Variants in PDLIM5 observed in about 807,000 individuals in gnomAD.
PDLIM5 encodes the protein PDZ and LIM domain 5.
Under a neutral mutation model 64.2 loss-of-function variants are expected in PDLIM5, and 34 were observed. The observed-to-expected ratio is 0.53, with a 90% CI of 0.40 to 0.71. PDLIM5 has a LOEUF of 0.71. PDLIM5 is among the 30% of genes least tolerant of loss of function. PDLIM5 has a pLI of 0.00. For synonymous variants in PDLIM5, 253 were observed against 269.1 expected (o/e 0.94, Z 0.59); for missense variants, 683 against 733.6 (o/e 0.93, Z 0.80).
intron 3 of PDLIM5, among the ~76,000 whole-genome samples, chr4:94,572,274 G>T (rs1304341018): frequency 2.0e-5 from 3 of 152,018 alleles, no homozygotes; most frequent in Non-Finnish European, 2.9e-5. Flanking sequence ...ATTGCTACTG[G>T]CATATTAAAC....
intron 3 of PDLIM5, among the ~76,000 whole-genome samples, chr4:94,526,975 T>G (rs2110143676): frequency 6.6e-6 from 1 of 150,414 alleles, no homozygotes; most frequent in South Asian, 2.1e-4. Context: ...CCTCAAGTGA[T>G]CCACCTGCCT....
chr4:94,523,633 T>C (rs1223932940), intron 2 of PDLIM5, 91 bp from the exon 3 acceptor site: 1 of 865,476 alleles, frequency 1.2e-6, no homozygotes, highest in East Asian at 2.7e-5. Context: ...TATATTAATA[T>C]ACTTTTGGTA....
At chr4:94,517,907 C>A (rs1278424053) in intron 2 of PDLIM5, among the ~76,000 whole-genome samples, 1 of 152,202 alleles carries the variant, frequency 6.6e-6, no homozygotes. Flanking sequence ...AAACATCTGA[C>A]TATTAAAATG....
At chr4:94,593,364 G>C (rs138882991) in intron 7 of PDLIM5, among the ~76,000 whole-genome samples, 33 of 152,280 alleles carry the variant, frequency 2.2e-4, no homozygotes, top group African/African-American at 7.2e-4. Flanking sequence ...GACTGGTTAG[G>C]TGGGACAGTA....
intron 5 of PDLIM5, among the ~76,000 whole-genome samples, chr4:94,584,250 A>C (rs1279112957): frequency 6.6e-6 from 1 of 152,130 alleles, no homozygotes; most frequent in African/African-American, 2.4e-5. Context: ...TTCTCTTTTG[A>C]AATTAAACTC....
intron 3 of PDLIM5, among the ~76,000 whole-genome samples, chr4:94,555,411 C>A (rs1303017520): frequency 6.6e-6 from 1 of 152,108 alleles, no homozygotes; most frequent in Non-Finnish European, 1.5e-5. Flanking sequence ...TGGGACATAA[C>A]CCCATCATTA....
At chr4:94,466,834 A>G (rs1724410007) in intron 2 of PDLIM5, among the ~76,000 whole-genome samples, 1 of 152,224 alleles carries the variant, frequency 6.6e-6, no homozygotes, top group African/African-American at 2.4e-5. Context: ...ATGACAAATG[A>G]AAGATTTGGA....
At chr4:94,602,769 T>G (rs1737608111) in intron 7 of PDLIM5, among the ~76,000 whole-genome samples, 1 of 152,004 alleles carries the variant, frequency 6.6e-6, no homozygotes, top group Non-Finnish European at 1.5e-5. Context: ...GCAGCCTGGT[T>G]TTTGTTCTCC....
intron 3 of PDLIM5, among the ~76,000 whole-genome samples, chr4:94,555,040 T>C (rs1037001785): frequency 5.3e-5 from 8 of 151,674 alleles, no homozygotes; most frequent in African/African-American, 1.9e-4. Flanking sequence ...GTTTGTTAAG[T>C]TAGGTGTGTT....
At chr4:94,523,584 G>T (rs1272963673) in intron 2 of PDLIM5, 140 bp from the exon 3 acceptor site, 2 of 496,614 alleles carry the variant, frequency 4.0e-6, no homozygotes, top group South Asian at 5.0e-5. Flanking sequence ...CTAAAATTCT[G>T]TACATGTTAA....
intron 7 of PDLIM5, among the ~76,000 whole-genome samples, chr4:94,599,594 G>A (rs999212739): frequency 3.9e-5 from 6 of 152,182 alleles, no homozygotes; most frequent in African/African-American, 1.4e-4. Flanking sequence ...AGCCTTAGGG[G>A]AATGTATCAT....
At position 94,637,061 on chromosome 4, in the gene PDLIM5, G is replaced by A. The variant is rs559611867; in HGVS notation, c.1109-3215G>A. 6.6e-5 allele frequency among the ~76,000 whole-genome samples: 10 copies of A among 152,214 alleles called. No homozygotes were observed. In the South Asian group the frequency reaches 2.1e-3, roughly 32 times the overall value. On this transcript the variant is annotated intron_variant, in intron 8 of 12. Transcript: ENST00000317968. ...CTTGGCTGAGGGTCACAGAGGCAGT[G>A]TCTGGTGTGGCATGTTCAAGGGATA...
intron 3 of PDLIM5, among the ~76,000 whole-genome samples, chr4:94,556,459 T>C (rs1448538499): frequency 6.6e-6 from 1 of 152,218 alleles, no homozygotes; most frequent in Non-Finnish European, 1.5e-5. Flanking sequence ...TTTTTAGTTC[T>C]AGATCCTTGA....
rs952040503 is a variant in PDLIM5 at position 94,666,219 on chromosome 4, A to C, written c.*2152A>C. 1.9e-6 allele frequency: 1 copy of C among 512,828 alleles called. No individual in the cohort carries two copies. The highest frequency in any genetic ancestry group is 2.0e-5 in the African/African-American group (1 of 51,236). 31.8% of individuals were successfully genotyped at this position (512,828 alleles called of 1,614,324 possible). ...TGTTTAACCTCCCTAAGAACTTTCA[A>C]GGCATCTGTCCTGAAAGCTGTTAAT... is the stretch of plus-strand genomic sequence containing the variant. On this transcript the variant is annotated 3_prime_UTR_variant, in exon 13 of 13. Transcript: ENST00000317968.
intron 2 of PDLIM5, among the ~76,000 whole-genome samples, chr4:94,472,072 TATC>T (rs1724924681): frequency 6.6e-6 from 1 of 152,174 alleles, no homozygotes; most frequent in African/African-American, 2.4e-5. Flanking sequence ...TCTTAGATAA[TATC>T]ATCTTCAAAA....
At chr4:94,529,743 G>A (rs991949216) in intron 3 of PDLIM5, among the ~76,000 whole-genome samples, 2 of 151,878 alleles carry the variant, frequency 1.3e-5, no homozygotes, top group African/African-American at 2.4e-5. Flanking sequence ...GTCTTTTATC[G>A]TTGAAAAAAT....
intron 8 of PDLIM5, among the ~76,000 whole-genome samples, chr4:94,637,426 G>A (rs1030567975): frequency 6.6e-6 from 1 of 152,154 alleles, no homozygotes; most frequent in Non-Finnish European, 1.5e-5. Flanking sequence ...CAGCGTGGTG[G>A]CAGCCACCTG....
At chr4:94,570,531 A>G (rs1157132861) in intron 3 of PDLIM5, among the ~76,000 whole-genome samples, 7 of 152,214 alleles carry the variant, frequency 4.6e-5, no homozygotes, top group African/African-American at 1.7e-4. Flanking sequence ...GAATCTTTAC[A>G]TAATCTCAAA....
At chr4:94,609,562 GGT>G (rs1738194287) in intron 7 of PDLIM5, among the ~76,000 whole-genome samples, 1 of 151,992 alleles carries the variant, frequency 6.6e-6, no homozygotes, top group East Asian at 1.9e-4. Context: ...CTGTAACATT[GGT>G]TTATTTTCGC....
Sources: allele counts gnomAD v4.1 joint callset (sites outside exome capture counted in the v4.1 genomes callset), GRCh38; gene constraint gnomAD v4.1.1; transcripts MANE v1.5; gene names NCBI Gene and HGNC (gene_info 2026-07-23, HGNC 2026-07-21).